The following SLC22A8 variants were observed in gnomAD, a reference collection of about 807,000 sequenced individuals.
The protein encoded by SLC22A8 is organic anion transporter 3.
Under a neutral mutation model 48.4 loss-of-function variants are expected in SLC22A8, and 40 were observed. The ratio of observed to expected loss-of-function variants is 0.83; its 90% CI spans 0.64 to 1.08. The LOEUF is 1.08. Among genes scored for constraint, SLC22A8 ranks in the 50% least tolerant of loss-of-function variants. SLC22A8 has a pLI of 0.00. For synonymous variants in SLC22A8, 268 were observed against 286.3 expected (o/e 0.94, Z 0.65); for missense variants, 606 against 699.0 (o/e 0.87, Z 1.50).
In SLC22A8 at chr11:63,015,405, C is replaced by T. The variant is rs2086663217; in HGVS notation, c.-26+324G>A. ...GCATGGAGCAGTGCAGGACACGTAG[C>T]AGGGACCAAGGGGCCCAGCCTTGGA... On this transcript the variant is annotated intron_variant, in intron 1 of 10. Coordinates refer to ENST00000336232, the MANE Select transcript of SLC22A8 (RefSeq NM_004254.4). 2.0e-5 allele frequency among the ~76,000 whole-genome samples: 3 copies of T among 152,210 alleles called. No homozygotes were observed. The South Asian group carries it at 6.2e-4, about 31-fold the overall frequency.
intron 2 of SLC22A8, 44 bp from the exon 3 acceptor site, chr11:63,000,867 G>T: frequency 6.9e-7 from 1 of 1,459,818 alleles, no homozygotes; most frequent in Non-Finnish European, 9.6e-7. Flanking sequence ...AGTGTAGACA[G>T]CCTGCTCAGC....
At chr11:62,998,727 C>T (rs976225727) in intron 5 of SLC22A8, among the ~76,000 whole-genome samples, 194 bp downstream of exon 5, 3 of 152,184 alleles carry the variant, frequency 2.0e-5, no homozygotes, top group African/African-American at 7.2e-5. Flanking sequence ...GCCCTCCTTC[C>T]CCACGTGCCC....
At chr11:63,010,369 C>T (rs1370823036) in intron 2 of SLC22A8, among the ~76,000 whole-genome samples, 1 of 152,180 alleles carries the variant, frequency 6.6e-6, no homozygotes, top group Non-Finnish European at 1.5e-5. Flanking sequence ...AAATACCCTG[C>T]CTTCCTCATT....
chr11:62,997,612 C>T (rs1028509098), intron 5 of SLC22A8, among the ~76,000 whole-genome samples: 35 of 152,208 alleles, frequency 2.3e-4, no homozygotes, highest in Admixed American at 1.8e-3. Context: ...CTCTGCTGAT[C>T]GCCCACCCTT....
At chr11:63,005,646 G>T (rs2086545616) in intron 2 of SLC22A8, among the ~76,000 whole-genome samples, 1 of 152,202 alleles carries the variant, frequency 6.6e-6, no homozygotes, top group Non-Finnish European at 1.5e-5. Flanking sequence ...AAGAAGACAA[G>T]AGAGAGACAC....
chr11:62,999,650 CT>C (rs1408820313), intron 4 of SLC22A8, 37 bp downstream of exon 4: 1 of 1,441,672 alleles, frequency 6.9e-7, no homozygotes, highest in African/African-American at 1.4e-5. Context: ...CTGGATGGTG[CT>C]CCCCAAAGCC....
chr11:63,001,178 C>G (rs1400776443), intron 2 of SLC22A8, among the ~76,000 whole-genome samples: 2 of 152,116 alleles, frequency 1.3e-5, no homozygotes, highest in Non-Finnish European at 2.9e-5. Flanking sequence ...CTCTGCGTAC[C>G]CCCTTGACCT....
At chr11:63,014,055 G>C (rs1406757033) in intron 2 of SLC22A8, among the ~76,000 whole-genome samples, 2 of 152,174 alleles carry the variant, frequency 1.3e-5, no homozygotes, top group Non-Finnish European at 2.9e-5. Flanking sequence ...CCTCCCCTCT[G>C]TGCGGTCCCT....
At chr11:63,005,741 A>G (rs12281345) in intron 2 of SLC22A8, among the ~76,000 whole-genome samples, 8,506 of 152,160 alleles carry the variant, frequency 0.056, 788 homozygotes, top group African/African-American at 0.19. Flanking sequence ...GGCAACCACC[A>G]GAAGCTGGCA....
intron 8 of SLC22A8, 49 bp from the exon 9 acceptor site, chr11:62,993,927 A>T: frequency 8.6e-7 from 1 of 1,159,120 alleles, no homozygotes; most frequent in East Asian, 2.3e-5. Flanking sequence ...GGAGCACCTA[A>T]GAGTTCTCAC....
At position 63,015,031 on chromosome 11, in the gene SLC22A8, T is replaced by C. The variant is rs565695210; in HGVS notation, c.-25-48A>G. On this transcript the variant is annotated intron_variant, in intron 1 of 10. Transcript: ENST00000336232. Reference sequence around the variant, plus strand: ...GGAGAGGTATATTTGTGCCTGGTAGTGCGTGGGTCTATGGAACGATATGTG... The same window carrying C: ...GGAGAGGTATATTTGTGCCTGGTAGCGCGTGGGTCTATGGAACGATATGTG... 7 of 1,329,984 alleles carry C rather than the reference T, an allele frequency of 5.3e-6. No homozygotes were observed. The East Asian group carries it at 9.3e-5, about 18-fold the overall frequency. 82.4% of individuals were successfully genotyped at this position (1,329,984 alleles called of 1,614,324 possible).
At chr11:63,009,061 A>G (rs938831869) in intron 2 of SLC22A8, among the ~76,000 whole-genome samples, 2 of 152,078 alleles carry the variant, frequency 1.3e-5, no homozygotes, top group African/African-American at 2.4e-5. Flanking sequence ...CTGGCTTGAA[A>G]AGTGGTTTGG....
rs1487475906 is a variant in SLC22A8, at chr11:62,993,829, T to C, written c.1266A>G (p.Leu422=). ...TVLAVFGKGC[L]SSSFSCLFLY... Reference sequence around the variant, plus strand: ...GGAAGAGGCAGCTGAAGGAGCTGGATAGGCATCCCTTCCCAAACACAGCCA... The same window carrying C: ...GGAAGAGGCAGCTGAAGGAGCTGGACAGGCATCCCTTCCCAAACACAGCCA... The change falls in exon 9 of 11, where the codon CTA becomes CTG. Residue 422 remains leucine (L), a synonymous_variant. Coordinates refer to ENST00000336232, the MANE Select transcript of SLC22A8 (RefSeq NM_004254.4). 1 of 1,613,964 alleles carries C rather than the reference T, an allele frequency of 6.2e-7. No individual in the cohort carries two copies. Among genetic ancestry groups the C allele is most frequent in the Non-Finnish European group, 8.5e-7 (1 of 1,179,854 alleles).
At chr11:62,995,408 A>G (rs747499111) in intron 7 of SLC22A8, 8 of 455,072 alleles carry the variant, frequency 1.8e-5, no homozygotes, top group Non-Finnish European at 2.8e-5. Flanking sequence ...GAGGGAGAGC[A>G]TGGGGACACT....
rs1384519441 is a variant in SLC22A8 at position 62,993,784 on chromosome 11, G to A, written c.1311C>T (p.Tyr437=). The A allele has an allele frequency of 1.9e-6, 3 of 1,612,428 alleles. No homozygotes were observed. The highest frequency in any genetic ancestry group is 1.1e-5 in the South Asian group (1 of 91,058). Residue 437 remains tyrosine (Y), a synonymous_variant, in exon 9 of 11, where the codon TAC becomes TAT. Transcript: ENST00000336232. ...CCAGCACCTACCTGATGACTGTGGG[G>A]TATAATTCACTTGTGTAGAGGAAGA... The part of the protein sequence containing the change: ...SCLFLYTSEL[Y]PTVIRQTGMG...
At chr11:63,008,723 A>G (rs556198389) in intron 2 of SLC22A8, among the ~76,000 whole-genome samples, 5 of 152,180 alleles carry the variant, frequency 3.3e-5, no homozygotes, top group Non-Finnish European at 7.3e-5. Flanking sequence ...CTGTGCTCAC[A>G]GGGACAGCTC....
chr11:63,002,000 T>G (rs997784096), intron 2 of SLC22A8, among the ~76,000 whole-genome samples: 1 of 152,136 alleles, frequency 6.6e-6, no homozygotes, highest in Non-Finnish European at 1.5e-5. Flanking sequence ...CATGGCTCAA[T>G]GAAGCCTCAG....
chr11:63,005,138 A>G (rs1291067637), intron 2 of SLC22A8, among the ~76,000 whole-genome samples: 2 of 152,230 alleles, frequency 1.3e-5, no homozygotes, highest in African/African-American at 2.4e-5. Flanking sequence ...ATATTTTTAA[A>G]AAATTGAACT....
chr11:63,001,002 C>A, intron 2 of SLC22A8, 179 bp from the exon 3 acceptor site: 1 of 582,454 alleles, frequency 1.7e-6, no homozygotes, highest in South Asian at 1.9e-5. Flanking sequence ...GTCTGTGGCT[C>A]TTCGGCCCCT....
Sources: gnomAD v4.1 joint callset for allele counts (sites outside exome capture counted in the v4.1 genomes callset) on GRCh38, gnomAD v4.1.1 for gene constraint, MANE v1.5 for transcripts, NCBI Gene and HGNC (gene_info 2026-07-23, HGNC 2026-07-21) for gene names.